The following SUGCT variants were observed in gnomAD, a reference collection of about 807,000 sequenced individuals.
SUGCT encodes the protein succinyl-CoA:glutarate CoA-transferase.
SUGCT carries 41 observed loss-of-function variants against 55.0 expected under a neutral mutation model. That is an observed-to-expected ratio of 0.74 (90% CI 0.58 to 0.97). The LOEUF is 0.97. Among genes scored for constraint, SUGCT ranks in the 50% least tolerant of loss-of-function variants. The probability of loss-of-function intolerance (pLI) is 0.00; values close to 1 mark genes in which losing one functional copy is unlikely to be tolerated. For synonymous variants in SUGCT, 187 were observed against 200.4 expected (o/e 0.93, Z 0.56); for missense variants, 568 against 547.8 (o/e 1.04, Z -0.37).
the SUGCT span, among the ~76,000 whole-genome samples, chr7:40,873,037 C>T: frequency 1.2e-4 from 18 of 152,104 alleles, no homozygotes; most frequent in South Asian, 4.1e-4. Context: ...ATAACAGTAA[C>T]GTACCCTACC....
chr7:40,347,903 A>G (rs1193261386), intron 9 of SUGCT, among the ~76,000 whole-genome samples: 2 of 152,254 alleles, frequency 1.3e-5, no homozygotes, highest in African/African-American at 4.8e-5. Context: ...TATGTAATTT[A>G]CTAGAGTGAA....
intron 13 of SUGCT, among the ~76,000 whole-genome samples, chr7:40,826,001 G>T (rs79354326): frequency 0.085 from 12,946 of 152,162 alleles, 661 homozygotes; most frequent in Middle Eastern, 0.17. Context: ...TTTATTAAGT[G>T]CCTACAGACA....
At chr7:40,216,745 A>G (rs1393925789) in intron 6 of SUGCT, among the ~76,000 whole-genome samples, 2 of 151,538 alleles carry the variant, frequency 1.3e-5, no homozygotes, top group African/African-American at 4.8e-5. Context: ...CCAGCTACTC[A>G]CTTTGGGGGC....
At chr7:40,355,495 G>A (rs1797844589) in intron 9 of SUGCT, among the ~76,000 whole-genome samples, 1 of 152,156 alleles carries the variant, frequency 6.6e-6, no homozygotes. Context: ...CTTTTGAGCA[G>A]GAGTTGGCAG....
rs1309605079 is a variant in SUGCT at position 40,860,427 on chromosome 7, C to T, written c.1265C>T (p.Ala422Val). ...LKEVLRYDDRAIGELLSAGVV... is the reference protein window; with the variant it reads ...LKEVLRYDDRVIGELLSAGVV... The stretch of plus-strand genomic sequence containing the variant: ...GAGGTCCTGAGATACGATGACAGGG[C>T]CATCGGGGAGCTGCTCAGCGCTGGA... Residue 422 changes from alanine to valine, a missense_variant, in exon 14 of 14, where the codon GCC becomes GTC. Ala to Val is a moderately conservative substitution (Grantham distance 64). Transcript: ENST00000335693. 1 of 1,613,828 alleles carries T rather than the reference C, an allele frequency of 6.2e-7. No individual in the cohort carries two copies. Among genetic ancestry groups the T allele is most frequent in the Non-Finnish European group, 8.5e-7 (1 of 1,179,848 alleles).
intron 11 of SUGCT, among the ~76,000 whole-genome samples, 162 bp downstream of exon 11, chr7:40,459,360 T>C (rs1179898247): frequency 1.3e-5 from 2 of 152,124 alleles, no homozygotes; most frequent in Non-Finnish European, 2.9e-5. Context: ...GTGGGGTTTT[T>C]TTGTTTGTTT....
intron 6 of SUGCT, among the ~76,000 whole-genome samples, chr7:40,232,911 TA>T (rs1480287241): frequency 1.3e-5 from 2 of 152,206 alleles, no homozygotes; most frequent in Non-Finnish European, 2.9e-5. Context: ...ATTTAGATTT[TA>T]ATCATAGTTG....
chr7:40,135,108 C>A lies in SUGCT; in HGVS notation c.88C>A (p.Arg30Ser). 1.3e-6 allele frequency: 2 copies of A among 1,554,894 alleles called. No individual in the cohort carries two copies. Among genetic ancestry groups the A allele is most frequent in the East Asian group, 2.4e-5 (1 of 41,174 alleles). Residue 30 changes from arginine to serine, a missense_variant, in exon 1 of 14, where the codon CGC becomes AGC. Physicochemically the swap from Arg to Ser is moderately radical, Grantham distance 110. Transcript: ENST00000335693. ...CGGCGGGAGGGGGCTGTGGACTGGC[C>A]GCCCGCAGTCAGGTACCCTCCGAGA... The part of the protein sequence containing the change: ...RGGGRGLWTG[R>S]PQSDMNNIKP...
chr7:40,877,421 A>G, the SUGCT span, among the ~76,000 whole-genome samples: 1 of 152,186 alleles, frequency 6.6e-6, no homozygotes. Context: ...TAATTTTGAC[A>G]TATTCTTTAG....
At chr7:40,702,439 G>A (rs1785207281) in intron 12 of SUGCT, among the ~76,000 whole-genome samples, 1 of 152,140 alleles carries the variant, frequency 6.6e-6, no homozygotes, top group South Asian at 2.1e-4. Flanking sequence ...AGAAAACCAA[G>A]TTAAATCATT....
the SUGCT span, among the ~76,000 whole-genome samples, chr7:40,929,096 CT>C: frequency 3.3e-5 from 5 of 152,076 alleles, no homozygotes; most frequent in African/African-American, 1.2e-4. Flanking sequence ...CCGCCACCCC[CT>C]GACAGGCCCC....
chr7:40,181,746 CAAAA>C (rs35533534), intron 2 of SUGCT, among the ~76,000 whole-genome samples: 1 of 103,908 alleles, frequency 9.6e-6, no homozygotes, highest in African/African-American at 4.5e-5. Context: ...ACTCCGTCTC[CAAAA>C]AAAAAAAAAA....
At chr7:40,617,364 A>G (rs1224385737) in intron 12 of SUGCT, among the ~76,000 whole-genome samples, 1 of 152,170 alleles carries the variant, frequency 6.6e-6, no homozygotes, top group Non-Finnish European at 1.5e-5. Context: ...ATGCTATCTG[A>G]AGTGTACCGA....
chr7:40,596,509 G>A (rs1798015138), intron 12 of SUGCT, among the ~76,000 whole-genome samples: 1 of 152,068 alleles, frequency 6.6e-6, no homozygotes, highest in Non-Finnish European at 1.5e-5. Context: ...ATTTCAAGTT[G>A]AATACCTAGG....
intron 12 of SUGCT, among the ~76,000 whole-genome samples, chr7:40,666,567 A>G (rs568278036): frequency 6.6e-6 from 1 of 152,096 alleles, no homozygotes; most frequent in African/African-American, 2.4e-5. Flanking sequence ...TGGGAAGACC[A>G]ATGATATGAA....
the SUGCT span, among the ~76,000 whole-genome samples, chr7:40,875,388 G>A: frequency 6.6e-6 from 1 of 152,188 alleles, no homozygotes; most frequent in Non-Finnish European, 1.5e-5. Context: ...AAAGGTGGCA[G>A]AACAAAAGAG....
At chr7:40,268,196 T>G (rs1203793905) in intron 7 of SUGCT, among the ~76,000 whole-genome samples, 1 of 152,154 alleles carries the variant, frequency 6.6e-6, no homozygotes. Context: ...CTTACAACAG[T>G]CAATTTTAGA....
At chr7:40,730,639 G>A (rs1486926832) in intron 12 of SUGCT, among the ~76,000 whole-genome samples, 1 of 152,068 alleles carries the variant, frequency 6.6e-6, no homozygotes, top group Non-Finnish European at 1.5e-5. Context: ...TAGATCTCTT[G>A]AATTTATTCC....
intron 12 of SUGCT, among the ~76,000 whole-genome samples, chr7:40,680,907 A>G (rs958468763): frequency 6.6e-6 from 1 of 152,168 alleles, no homozygotes; most frequent in Non-Finnish European, 1.5e-5. Context: ...ACTTAACATT[A>G]GGAAAATTCA....
Sources: allele counts gnomAD v4.1 joint callset (sites outside exome capture counted in the v4.1 genomes callset), GRCh38; gene constraint gnomAD v4.1.1; transcripts MANE v1.5; gene names NCBI Gene and HGNC (gene_info 2026-07-23, HGNC 2026-07-21).